PPEF1: variants seen among roughly 807,000 people sequenced by gnomAD.
The protein encoded by PPEF1 is serine/threonine-protein phosphatase with EF-hands 1.
A neutral mutation model predicts 53.3 loss-of-function variants in PPEF1; 12 were observed. That is an observed-to-expected ratio of 0.23 (90% CI 0.14 to 0.36). The LOEUF is 0.36. Ranked by LOEUF, PPEF1 falls within the 10% of genes least tolerant of loss-of-function variation. The pLI is 1.00. For synonymous variants in PPEF1, 165 were observed against 176.7 expected (o/e 0.93, Z 0.52); for missense variants, 334 against 490.4 (o/e 0.68, Z 3.01).
chrX:18,707,856 G>T (rs1159407786), intron 1 of PPEF1, 30 bp downstream of exon 1: 3 of 1,172,527 alleles, frequency 2.6e-6, no homozygotes, highest in African/African-American at 3.5e-5. Flanking sequence ...CTGTGGTTAT[G>T]AATGAAAAGG....
At chrX:18,804,240 C>T (rs1303472985) in intron 11 of PPEF1, among the ~76,000 whole-genome samples, 163 bp downstream of exon 11, 3 of 111,211 alleles carry the variant, frequency 2.7e-5, no homozygotes, top group African/African-American at 9.8e-5. Flanking sequence ...TTGAAGGGGC[C>T]TCACTGTCCC....
intron 10 of PPEF1, among the ~76,000 whole-genome samples, chrX:18,799,852 G>A (rs143560704): frequency 1.8e-5 from 2 of 111,836 alleles, no homozygotes; most frequent in African/African-American, 3.2e-5. Context: ...GAAAGAGATG[G>A]TTTCTACTGA....
intron 3 of PPEF1, among the ~76,000 whole-genome samples, chrX:18,738,208 T>G (rs1282591269): frequency 8.9e-6 from 1 of 111,957 alleles, no homozygotes; most frequent in Non-Finnish European, 1.9e-5. Flanking sequence ...TGATGCAGTT[T>G]CTTCCTAGCC....
chrX:18,802,187 C>T (rs2046561377), intron 10 of PPEF1, among the ~76,000 whole-genome samples: 1 of 110,138 alleles, frequency 9.1e-6, no homozygotes, highest in Non-Finnish European at 1.9e-5. Flanking sequence ...ACTTCAGCCT[C>T]CCAAGTAGCT....
At chrX:18,709,731 C>G (rs1467666085) in intron 1 of PPEF1, among the ~76,000 whole-genome samples, 2 of 111,048 alleles carry the variant, frequency 1.8e-5, no homozygotes, top group Non-Finnish European at 3.8e-5. Context: ...CTCCTGACCT[C>G]AGGTGATCTG....
intron 12 of PPEF1, among the ~76,000 whole-genome samples, chrX:18,812,743 G>A (rs2046833850): frequency 1.8e-5 from 2 of 111,609 alleles, no homozygotes. Flanking sequence ...TGCTGCTATA[G>A]TAAATGGAAT....
intron 4 of PPEF1, among the ~76,000 whole-genome samples, chrX:18,751,896 G>C (rs1489808270): frequency 8.9e-6 from 1 of 112,617 alleles, no homozygotes; most frequent in African/African-American, 3.2e-5. Flanking sequence ...CTTGATTGCT[G>C]TAGCTTTGTA....
chrX:18,678,208 A>G (rs989962995), upstream of PPEF1, among the ~76,000 whole-genome samples: 2 of 106,020 alleles, frequency 1.9e-5, no homozygotes, highest in Non-Finnish European at 3.8e-5. Context: ...AGGCGGGCGG[A>G]TTGCTTGAGC....
intron 10 of PPEF1, among the ~76,000 whole-genome samples, 186 bp downstream of exon 10, chrX:18,789,459 T>A (rs531817748): frequency 1.8e-5 from 2 of 112,535 alleles, no homozygotes; most frequent in South Asian, 7.4e-4. Flanking sequence ...CTCACCCATT[T>A]AAAGTGTATA....
At chrX:18,803,190 G>T (rs1326758443) in intron 10 of PPEF1, among the ~76,000 whole-genome samples, 2 of 112,535 alleles carry the variant, frequency 1.8e-5, no homozygotes, top group Non-Finnish European at 3.8e-5. Flanking sequence ...ACGAAGGGAT[G>T]GGCCAAATTA....
intron 3 of PPEF1, among the ~76,000 whole-genome samples, chrX:18,736,524 G>T (rs1440063881): frequency 9.0e-6 from 1 of 111,493 alleles, no homozygotes. Flanking sequence ...TGCTGGATTC[G>T]GTTTGCCAGT....
At chrX:18,690,358 GTTTTT>G (rs67423941) in intron 3 of PPEF1, among the ~76,000 whole-genome samples, 1 of 71,251 alleles carries the variant, frequency 1.4e-5, no homozygotes, top group African/African-American at 5.3e-5. Context: ...TCTAGGACTT[GTTTTT>G]TTTTTTTTTT....
chrX:18,794,169 C>G (rs1397276521), intron 10 of PPEF1, among the ~76,000 whole-genome samples: 1 of 113,175 alleles, frequency 8.8e-6, no homozygotes, highest in Admixed American at 9.3e-5. Flanking sequence ...GGGCTTTAAC[C>G]ATGTTTGAGG....
intron 6 of PPEF1, among the ~76,000 whole-genome samples, 165 bp downstream of exon 6, chrX:18,761,741 T>TA (rs397722932): frequency 9.1e-6 from 1 of 110,350 alleles, no homozygotes; most frequent in East Asian, 2.8e-4. Context: ...TTTTTTTTTT[T>TA]AACACACATC....
chrX:18,675,075 C>T (rs1246586637), upstream of PPEF1, among the ~76,000 whole-genome samples: 2 of 112,968 alleles, frequency 1.8e-5, no homozygotes, highest in Non-Finnish European at 3.8e-5. Flanking sequence ...GTGACCCCGC[C>T]CCCGAGGCGA....
rs1569250164 is a variant in PPEF1, at chrX:18,730,181, C to T, written c.47C>T (p.Ser16Leu). 6.6e-6 allele frequency: 8 copies of T among 1,206,746 alleles called. No individual in the cohort carries two copies. The highest frequency in any genetic ancestry group is 9.0e-6 in the Non-Finnish European group (8 of 893,523). Residue 16 changes from serine to leucine, a missense_variant and splice_region_variant, in exon 2 of 16, where the codon TCA becomes TTA. Coordinates refer to ENST00000470157, the MANE Select transcript of PPEF1 (RefSeq NM_001377996.1). ...SSTKTRRSDT[S>L]LRAALIIQNW... ...ACTTTCATATTCTGTGGGTCTGCAG[C>T]ACTGAGAGCTGCGTTGATCATCCAG...
chrX:18,701,779 A>G (rs1403201227), intron 6 of PPEF1, among the ~76,000 whole-genome samples: 1 of 112,678 alleles, frequency 8.9e-6, no homozygotes, highest in Non-Finnish European at 1.9e-5. Context: ...CTTATTATGT[A>G]ATAGTGGGAC....
intron 6 of PPEF1, among the ~76,000 whole-genome samples, chrX:18,702,560 A>C (rs1930202347): frequency 9.3e-6 from 1 of 107,933 alleles, no homozygotes; most frequent in Non-Finnish European, 1.9e-5. Context: ...CAACTCGGGG[A>C]GGCTGGGCTA....
At chrX:18,730,427 A>C (rs2044810218) in intron 2 of PPEF1, 119 bp downstream of exon 2, 1 of 832,219 alleles carries the variant, frequency 1.2e-6, no homozygotes, top group Non-Finnish European at 1.7e-6. Flanking sequence ...AGGCTTTAAT[A>C]GAGCATGTCA....
Sources: allele counts gnomAD v4.1 joint callset (sites outside exome capture counted in the v4.1 genomes callset), GRCh38; gene constraint gnomAD v4.1.1; transcripts MANE v1.5; gene names NCBI Gene and HGNC (gene_info 2026-07-23, HGNC 2026-07-21).